Variants in FOXK1 observed in about 807,000 individuals in gnomAD.
The protein encoded by FOXK1 is forkhead box protein K1.
In FOXK1, 19 loss-of-function variants were observed where a neutral mutation model predicts 51.9. That is an observed-to-expected ratio of 0.37 (90% confidence interval 0.26 to 0.54). The LOEUF (loss-of-function observed/expected upper bound fraction) is 0.54. Among genes scored for constraint, FOXK1 ranks in the 20% least tolerant of loss-of-function variants. FOXK1 has a pLI of 0.87. For missense variants in FOXK1, 870 were observed against 1,032.7 expected, an observed-to-expected ratio of 0.84 and a Z score of 2.16; for synonymous variants, 537 against 482.6, an observed-to-expected ratio of 1.11 and a Z score of -1.48.
At position 4,723,440 on chromosome 7, in the gene FOXK1, G is replaced by A. The variant is rs1296888350; in HGVS notation, c.561-17398G>A. ...GACTAAATTTGCCTTCTTCCTTCAGGGACCATCTTGGAATAATCTTGCTCA... is the reference window on the plus strand; with the variant it reads ...GACTAAATTTGCCTTCTTCCTTCAGAGACCATCTTGGAATAATCTTGCTCA... On this transcript the variant is annotated intron_variant, in intron 1 of 8. Transcript: ENST00000328914. The surrounding 1 kb of genome is among the most constrained non-coding windows in gnomAD (Gnocchi z 4.7). Among the ~76,000 whole-genome samples, 1 of 151,700 alleles carries A rather than the reference G, an allele frequency of 6.6e-6. No homozygotes were observed. Among genetic ancestry groups the A allele is most frequent in the Non-Finnish European group, 1.5e-5 (1 of 67,934 alleles).
chr7:4,697,973 C>T (rs750651295), intron 1 of FOXK1, among the ~76,000 whole-genome samples: 9 of 151,846 alleles, frequency 5.9e-5, no homozygotes, highest in African/African-American at 1.2e-4. Context: ...TACAAGGGTG[C>T]GCCATCATGC....
rs150043302 is a variant in FOXK1, at chr7:4,713,737, G to A, written c.561-27101G>A. Among the ~76,000 whole-genome samples, 662 of 151,638 alleles carry A rather than the reference G, an allele frequency of 4.4e-3. 5 individuals carry two copies. The highest frequency in any genetic ancestry group is 0.015 in the African/African-American group (621 of 41,252). ...CGACTCCTGACCTCGTGATCTGCCC[G>A]CCTTGGCCGCTCAAAGTGTTGGGAT... On this transcript the variant is annotated intron_variant, in intron 1 of 8. Transcript: ENST00000328914.
chr7:4,687,194 A>G (rs145468816), intron 1 of FOXK1, among the ~76,000 whole-genome samples: 3,220 of 151,894 alleles, frequency 0.021, 109 homozygotes, highest in African/African-American at 0.074. Flanking sequence ...GGCCTTCCAA[A>G]GTGCTGGGAT....
intron 1 of FOXK1, among the ~76,000 whole-genome samples, chr7:4,686,240 G>A (rs569067982): frequency 1.3e-5 from 2 of 152,230 alleles, no homozygotes; most frequent in South Asian, 2.1e-4. Context: ...TTTGGTGGGA[G>A]GTCTATGTTG....
chr7:4,692,986 C>T (rs1237017101), intron 1 of FOXK1, among the ~76,000 whole-genome samples: 1 of 151,858 alleles, frequency 6.6e-6, no homozygotes, highest in African/African-American at 2.4e-5. Flanking sequence ...TCATCCTCTG[C>T]TATAATATCC....
intron 1 of FOXK1, among the ~76,000 whole-genome samples, chr7:4,695,319 C>G (rs149677268): frequency 6.6e-6 from 1 of 152,334 alleles, no homozygotes; most frequent in Non-Finnish European, 1.5e-5. Flanking sequence ...GCTAGAATAT[C>G]CAGCTTCCTT....
intron 1 of FOXK1, among the ~76,000 whole-genome samples, chr7:4,739,661 C>A (rs927814487): frequency 1.3e-5 from 2 of 152,180 alleles, no homozygotes; most frequent in East Asian, 3.8e-4. Flanking sequence ...CGGTTTTAAG[C>A]CCAGAACTGA....
chr7:4,703,505 C>A lies in FOXK1; in HGVS notation c.560+20637C>A, dbSNP rs969814078. On this transcript the variant is annotated intron_variant, in intron 1 of 8. Coordinates refer to ENST00000328914, the MANE Select transcript of FOXK1 (RefSeq NM_001037165.2). This position sits in a 1 kb window ranked among gnomAD's most constrained non-coding sequence, Gnocchi z 5.6. ...ACAAGGCTCCCCCAGGGTGGCCCGA[C>A]CCTGCTGCGCGGGAGGGAAAGAGCC... 3.9e-5 allele frequency among the ~76,000 whole-genome samples: 6 copies of A among 152,214 alleles called. No individual in the cohort carries two copies. The highest frequency in any genetic ancestry group is 1.4e-4 in the African/African-American group (6 of 41,468).
Position 4,682,974 on chromosome 7 carries a change from C to A in FOXK1, c.560+106C>A, listed in dbSNP as rs1779771783. Reference sequence around the variant, plus strand: ...CCCCTCCAGCTTCCTCGGCCTCGACCCCCACCCCCCGGCCCACCCCCGGTA... The same window carrying A: ...CCCCTCCAGCTTCCTCGGCCTCGACACCCACCCCCCGGCCCACCCCCGGTA... On this transcript the variant is annotated intron_variant, in intron 1 of 8. Coordinates refer to ENST00000328914, the MANE Select transcript of FOXK1 (RefSeq NM_001037165.2). This position sits in a 1 kb window ranked among gnomAD's most constrained non-coding sequence, Gnocchi z 7.6. The A allele has an allele frequency of 7.5e-6, 9 of 1,196,734 alleles. No homozygotes were observed. The Middle Eastern group carries it at 9.0e-4, about 120-fold the overall frequency. 74.1% of individuals were successfully genotyped at this position (1,196,734 alleles called of 1,614,324 possible). A position where few individuals can be genotyped will look rare whatever the true frequency, so the allele number is the denominator to read the frequency against.
Position 4,747,731 on chromosome 7 carries a change from T to C in FOXK1, c.746+6708T>C, listed in dbSNP as rs1332182776. ...ATTTTTTATTTTCGTTGAGATGGTG[T>C]CTTGCCCAGGCTGGTCCTGAACTCC... On this transcript the variant is annotated intron_variant, in intron 2 of 8. Coordinates refer to ENST00000328914, the MANE Select transcript of FOXK1 (RefSeq NM_001037165.2). This position sits in a 1 kb window ranked among gnomAD's most constrained non-coding sequence, Gnocchi z 9.2. 6.6e-6 allele frequency among the ~76,000 whole-genome samples: 1 copy of C among 152,028 alleles called. No individual in the cohort carries two copies. The highest frequency in any genetic ancestry group is 1.5e-5 in the Non-Finnish European group (1 of 68,006).
chr7:4,719,378 G>T (rs561035984), intron 1 of FOXK1, among the ~76,000 whole-genome samples: 47 of 152,142 alleles, frequency 3.1e-4, no homozygotes, highest in African/African-American at 1.1e-3. Context: ...AGCCTCAAAT[G>T]ATCCTCCCGC....
intron 1 of FOXK1, among the ~76,000 whole-genome samples, chr7:4,705,754 G>T (rs1194794886): frequency 1.4e-5 from 2 of 147,242 alleles, no homozygotes; most frequent in Non-Finnish European, 3.0e-5. Context: ...GGCCAGGATG[G>T]TCTCGATCTC....
rs1006976002 is a variant in FOXK1, at chr7:4,730,791, AAGAC to A, written c.561-10044_561-10041del. On this transcript the variant is annotated intron_variant, in intron 1 of 8. Coordinates refer to ENST00000328914, the MANE Select transcript of FOXK1 (RefSeq NM_001037165.2). This position sits in a 1 kb window ranked among gnomAD's most constrained non-coding sequence, Gnocchi z 4.7. Reference sequence around the variant, plus strand: ...ATAAATGCCTTCCATTTTTAATAGAAAGACAGTATTTTAGGTTAAAAAATTTAAG... The same window carrying A: ...ATAAATGCCTTCCATTTTTAATAGAAAGTATTTTAGGTTAAAAAATTTAAG... Among the ~76,000 whole-genome samples, 23 of 152,156 alleles carry A rather than the reference AAGAC, an allele frequency of 1.5e-4. No homozygotes were observed. The highest frequency in any genetic ancestry group is 5.1e-4 in the African/African-American group (21 of 41,430).
At chr7:4,685,518 G>A (rs550597616) in intron 1 of FOXK1, among the ~76,000 whole-genome samples, 71 of 150,170 alleles carry the variant, frequency 4.7e-4, no homozygotes, top group Non-Finnish European at 8.4e-4. Flanking sequence ...CCCTGCGCCC[G>A]GCCTCACTTT....
intron 1 of FOXK1, among the ~76,000 whole-genome samples, chr7:4,704,622 G>A (rs1396472091): frequency 3.9e-5 from 6 of 151,994 alleles, no homozygotes; most frequent in Non-Finnish European, 5.9e-5. Context: ...CACGCAGCAC[G>A]CAGCAGGAGG....
chr7:4,691,087 T>C (rs1294721150), intron 1 of FOXK1, among the ~76,000 whole-genome samples: 2 of 152,214 alleles, frequency 1.3e-5, no homozygotes, highest in African/African-American at 4.8e-5. Flanking sequence ...TTAAAAAGGA[T>C]AAAAAACAGA....
At chr7:4,713,368 TGTC>T (rs534582807) in intron 1 of FOXK1, among the ~76,000 whole-genome samples, 2 of 147,876 alleles carry the variant, frequency 1.4e-5, no homozygotes, top group South Asian at 4.1e-4. Flanking sequence ...CTGGGCTTGG[TGTC>T]GCGGAAAAAA....
intron 1 of FOXK1, among the ~76,000 whole-genome samples, chr7:4,719,127 T>G (rs1323589346): frequency 2.4e-5 from 3 of 127,236 alleles, no homozygotes; most frequent in Non-Finnish European, 5.1e-5. Context: ...TTTGTTTTTT[T>G]TTTGTTTGTT....
chr7:4,728,835 G>A (rs7805354), intron 1 of FOXK1, among the ~76,000 whole-genome samples: 10,215 of 152,154 alleles, frequency 0.067, 388 homozygotes, highest in Middle Eastern at 0.12. Flanking sequence ...ATAGAGAAGG[G>A]GACCCTGGGG....
Sources: gnomAD v4.1 joint callset for allele counts (sites outside exome capture counted in the v4.1 genomes callset) on GRCh38, gnomAD v4.1.1 for gene constraint, Gnocchi (gnomAD v3.1) non-coding constraint, MANE v1.5 for transcripts, NCBI Gene and HGNC (gene_info 2026-07-23, HGNC 2026-07-21) for gene names.